Variants in DPP6 observed in about 807,000 individuals in gnomAD.
The protein encoded by DPP6 is A-type potassium channel modulatory protein DPP6.
DPP6 carries 69 observed loss-of-function variants against 122.6 expected under a neutral mutation model. The ratio of observed to expected loss-of-function variants is 0.56; its 90% CI spans 0.46 to 0.69. The LOEUF (loss-of-function observed/expected upper bound fraction) is 0.69. Ranked by LOEUF, DPP6 falls within the 30% of genes least tolerant of loss-of-function variation. The pLI is 0.00. For synonymous variants in DPP6, 418 were observed against 433.1 expected, an observed-to-expected ratio of 0.97 and a Z score of 0.43; for missense variants, 928 against 1,116.9, an observed-to-expected ratio of 0.83 and a Z score of 2.41.
At chr7:154,443,995 C>T (rs73726877) in intron 1 of DPP6, among the ~76,000 whole-genome samples, 28,574 of 151,380 alleles carry the variant, frequency 0.19, 3,873 homozygotes, top group African/African-American at 0.38. Context: ...CTCGAATTTT[C>T]AACAGTTCAA....
At chr7:153,941,238 CA>C (rs1801683275) in intron 1 of DPP6, among the ~76,000 whole-genome samples, 2 of 152,194 alleles carry the variant, frequency 1.3e-5, no homozygotes, top group South Asian at 4.1e-4. Flanking sequence ...CATTGTAAAC[CA>C]GCCACTGTTG....
intron 7 of DPP6, among the ~76,000 whole-genome samples, chr7:154,698,988 G>A (rs2131255982): frequency 6.6e-6 from 1 of 152,318 alleles, no homozygotes; most frequent in South Asian, 2.1e-4. Context: ...AGCCCCTGTA[G>A]GCTGCAGAGA....
chr7:153,778,037 C>G, the DPP6 span, among the ~76,000 whole-genome samples: 1 of 148,290 alleles, frequency 6.7e-6, no homozygotes, highest in South Asian at 2.1e-4. Context: ...ATTACTTTGA[C>G]TTGATACTAT....
chr7:154,366,953 A>G (rs1812241561), intron 1 of DPP6, among the ~76,000 whole-genome samples: 1 of 152,148 alleles, frequency 6.6e-6, no homozygotes, highest in Non-Finnish European at 1.5e-5. Flanking sequence ...CGCATGGAAA[A>G]CGTTCTGATT....
the DPP6 span, among the ~76,000 whole-genome samples, chr7:153,798,270 A>C: frequency 6.6e-6 from 1 of 152,226 alleles, no homozygotes; most frequent in African/African-American, 2.4e-5. Context: ...CAATATACAA[A>C]TTTTAGGCAG....
chr7:154,709,726 A>AT (rs1841057860), intron 7 of DPP6, among the ~76,000 whole-genome samples: 1 of 151,934 alleles, frequency 6.6e-6, no homozygotes, highest in South Asian at 2.1e-4. Flanking sequence ...TTTCAAAAAA[A>AT]CCCAACACTC....
At chr7:154,470,075 A>G (rs1822129545) in intron 2 of DPP6, among the ~76,000 whole-genome samples, 1 of 152,232 alleles carries the variant, frequency 6.6e-6, no homozygotes, top group Admixed American at 6.5e-5. Context: ...TAGGAATAAC[A>G]TACAAATTGT....
chr7:153,868,249 T>A, the DPP6 span, among the ~76,000 whole-genome samples: 2 of 152,180 alleles, frequency 1.3e-5, no homozygotes, highest in African/African-American at 4.8e-5. Context: ...CTTGTACCTC[T>A]GGTAGAATTT....
At chr7:154,627,189 CTTTTTTTTTT>C (rs61163075) in intron 5 of DPP6, among the ~76,000 whole-genome samples, 1 of 103,448 alleles carries the variant, frequency 9.7e-6, no homozygotes, top group Non-Finnish European at 1.9e-5. Flanking sequence ...ATTTTTTTTC[CTTTTTTTTTT>C]TTTTTTTTTT....
At chr7:153,991,229 ACT>A (rs1277667007) in intron 1 of DPP6, among the ~76,000 whole-genome samples, 2 of 151,954 alleles carry the variant, frequency 1.3e-5, no homozygotes, top group Non-Finnish European at 2.9e-5. Context: ...CATTGCCATG[ACT>A]CTGGCCTGCC....
At chr7:154,571,795 A>ACTTGCCACTG (rs1831124696) in intron 5 of DPP6, among the ~76,000 whole-genome samples, 1 of 152,220 alleles carries the variant, frequency 6.6e-6, no homozygotes, top group African/African-American at 2.4e-5. Flanking sequence ...TAACTGAAAC[A>ACTTGCCACTG]CATAAACCAA....
At chr7:154,694,126 C>T (rs549650524) in intron 7 of DPP6, among the ~76,000 whole-genome samples, 6 of 152,252 alleles carry the variant, frequency 3.9e-5, no homozygotes, top group East Asian at 1.9e-4. Flanking sequence ...TCTGTGTCCT[C>T]GCTTGGTGGA....
In DPP6 at chr7:154,615,548, C is replaced by G. The variant is rs1460656360; in HGVS notation, c.628-22273C>G. Among the ~76,000 whole-genome samples the G allele has an allele frequency of 2.0e-5, 3 of 152,312 alleles. No individual in the cohort carries two copies. The Middle Eastern group carries it at 0.01, about 518-fold the overall frequency. On this transcript the variant is annotated intron_variant, in intron 5 of 25. Coordinates refer to ENST00000377770, the MANE Select transcript of DPP6 (RefSeq NM_130797.4). The stretch of plus-strand genomic sequence containing the variant: ...TTTTAACCATCCGTAAGTAAGTATA[C>G]GATTCAGTGGCATTAAACACATTCA...
chr7:154,565,026 G>A (rs1450983839), intron 4 of DPP6, among the ~76,000 whole-genome samples: 1 of 152,170 alleles, frequency 6.6e-6, no homozygotes, highest in Admixed American at 6.5e-5. Flanking sequence ...ATCACTAAGG[G>A]CAAGAAGGCT....
the DPP6 span, among the ~76,000 whole-genome samples, chr7:153,811,386 G>A: frequency 1.3e-5 from 2 of 152,088 alleles, no homozygotes; most frequent in Admixed American, 6.5e-5. Context: ...CTGCATTAGA[G>A]AACCAAGGCA....
upstream of DPP6, among the ~76,000 whole-genome samples, chr7:154,050,492 G>A (rs1043495165): frequency 1.3e-4 from 20 of 152,040 alleles, no homozygotes; most frequent in African/African-American, 4.8e-4. Context: ...TTAGTGAAAT[G>A]TCAGGATCGC....
At chr7:154,673,799 G>A (rs117877095) in intron 7 of DPP6, among the ~76,000 whole-genome samples, 5,057 of 152,156 alleles carry the variant, frequency 0.033, 113 homozygotes, top group Non-Finnish European at 0.053. Context: ...CTGTTTCAAC[G>A]TATTTCTCTG....
intron 1 of DPP6, among the ~76,000 whole-genome samples, chr7:153,951,400 A>G (rs552603695): frequency 8.6e-4 from 131 of 152,270 alleles, no homozygotes; most frequent in Middle Eastern, 3.4e-3. Flanking sequence ...TCAGTCAGGC[A>G]GGAGCTGGTG....
intron 1 of DPP6, among the ~76,000 whole-genome samples, chr7:154,409,766 A>G (rs1452013079): frequency 6.6e-6 from 1 of 152,114 alleles, no homozygotes; most frequent in Non-Finnish European, 1.5e-5. Context: ...GCATTAAAAA[A>G]CCAAGACCTA....
Sources: allele counts gnomAD v4.1 joint callset (sites outside exome capture counted in the v4.1 genomes callset), GRCh38; gene constraint gnomAD v4.1.1; transcripts MANE v1.5; gene names NCBI Gene and HGNC (gene_info 2026-07-23, HGNC 2026-07-21).